LTBP1: variants seen among roughly 807,000 people sequenced by gnomAD.
LTBP1 encodes the protein latent transforming growth factor beta binding protein 1.
Under a neutral mutation model 207.6 loss-of-function variants are expected in LTBP1, and 129 were observed. That is an observed-to-expected ratio of 0.62 (90% CI 0.54 to 0.72). The LOEUF (loss-of-function observed/expected upper bound fraction) is 0.72. Among genes scored for constraint, LTBP1 ranks in the 30% least tolerant of loss-of-function variants. LTBP1 has a pLI of 0.00. For missense variants in LTBP1, 2,281 were observed against 2,217.2 expected (o/e 1.03, Z -0.58); for synonymous variants, 963 against 833.7 (o/e 1.16, Z -2.67).
rs548354705 is a variant in LTBP1, at chr2:32,969,213, A to G, written c.565+20268A>G. Reference sequence around the variant, plus strand: ...AGTGCTGAGATTACAGGTGTGAGCCATGGCACCTGGCCAATTTGTGTGTGT... The same window carrying G: ...AGTGCTGAGATTACAGGTGTGAGCCGTGGCACCTGGCCAATTTGTGTGTGT... On this transcript the variant is annotated intron_variant, in intron 2 of 33. Transcript: ENST00000404816. Among the ~76,000 whole-genome samples, 6 of 144,480 alleles carry G rather than the reference A, an allele frequency of 4.2e-5. No homozygotes were observed. The South Asian group carries it at 1.4e-3, about 33-fold the overall frequency. The allele number at this position is 144,480 out of a possible 152,430, so 94.8% of individuals were successfully genotyped here.
At chr2:33,389,681 C>T (rs1262695028) in intron 32 of LTBP1, among the ~76,000 whole-genome samples, 1 of 152,136 alleles carries the variant, frequency 6.6e-6, no homozygotes, top group African/African-American at 2.4e-5. Flanking sequence ...GCTGTGTCAC[C>T]CAGGCTGGAG....
At chr2:33,385,742 G>A (rs1467297523) in intron 31 of LTBP1, among the ~76,000 whole-genome samples, 3 of 152,064 alleles carry the variant, frequency 2.0e-5, no homozygotes, top group Non-Finnish European at 4.4e-5. Context: ...TGATGGGAAG[G>A]GCGGCGTGGA....
chr2:32,970,140 G>A (rs1210056160), intron 2 of LTBP1, among the ~76,000 whole-genome samples: 2 of 152,092 alleles, frequency 1.3e-5, no homozygotes, highest in Admixed American at 6.5e-5. Flanking sequence ...GTTAATTTAA[G>A]TTCCTTGTAA....
chr2:33,194,159 G>A (rs766464672), intron 7 of LTBP1, among the ~76,000 whole-genome samples: 16 of 152,018 alleles, frequency 1.1e-4, no homozygotes, highest in Admixed American at 2.6e-4. Context: ...GGTAATTTTT[G>A]TATTTTTATT....
At chr2:33,197,998 C>G (rs1361535646) in intron 7 of LTBP1, among the ~76,000 whole-genome samples, 2 of 152,064 alleles carry the variant, frequency 1.3e-5, no homozygotes, top group Non-Finnish European at 2.9e-5. Flanking sequence ...CTGGAAAACC[C>G]TGATTTATAC....
chr2:33,217,871 T>C (rs111916105), intron 8 of LTBP1, among the ~76,000 whole-genome samples: 2,778 of 152,312 alleles, frequency 0.018, 84 homozygotes, highest in African/African-American at 0.062. Context: ...TTATCCTCTT[T>C]AGTTGGATTA....
At chr2:33,103,303 A>T (rs527818626) in intron 3 of LTBP1, among the ~76,000 whole-genome samples, 1 of 149,396 alleles carries the variant, frequency 6.7e-6, no homozygotes, top group South Asian at 2.1e-4. Flanking sequence ...CACAGTCTCT[A>T]TGTTGTATAC....
intron 2 of LTBP1, among the ~76,000 whole-genome samples, chr2:32,950,807 T>G (rs1676989899): frequency 6.6e-6 from 1 of 152,172 alleles, no homozygotes; most frequent in South Asian, 2.1e-4. Flanking sequence ...TTTAATAAGT[T>G]TGCTTGGCAA....
intron 24 of LTBP1, among the ~76,000 whole-genome samples, chr2:33,323,720 A>G (rs2094388850): frequency 6.6e-6 from 1 of 152,226 alleles, no homozygotes; most frequent in African/African-American, 2.4e-5. Flanking sequence ...CATTTGGCAA[A>G]TGAATCAAGG....
rs187879879 is a variant in LTBP1 at position 33,226,099 on chromosome 2, A to G, written c.1876+3948A>G. Among the ~76,000 whole-genome samples the G allele has an allele frequency of 1.0e-3, 155 of 152,356 alleles. 1 individual carries two copies. The highest frequency in any genetic ancestry group is 3.5e-3 in the African/African-American group (147 of 41,580). On this transcript the variant is annotated intron_variant, in intron 9 of 33. Transcript: ENST00000404816. ...ATTGACCCATGGATTATTTAGAAAT[A>G]TATTGCTTAATATGCAAATACTTGT... is the stretch of plus-strand genomic sequence containing the variant.
chr2:33,398,581 C>T lies in LTBP1; in HGVS notation c.*36C>T, dbSNP rs2095380916. On this transcript the variant is annotated 3_prime_UTR_variant, in exon 34 of 34. Transcript: ENST00000404816. ...ACATAACCTAAGCCCATATACTCTG[C>T]ACTGTGTAAAGGAAAAGGGAGAAAT... The T allele has an allele frequency of 1.3e-6, 2 of 1,573,236 alleles. No individual in the cohort carries two copies. The highest frequency in any genetic ancestry group is 1.4e-5 in the African/African-American group (1 of 73,554).
At chr2:33,247,818 T>C (rs970364389) in intron 10 of LTBP1, among the ~76,000 whole-genome samples, 2 of 152,256 alleles carry the variant, frequency 1.3e-5, no homozygotes, top group Non-Finnish European at 2.9e-5. Flanking sequence ...GCCTAACATA[T>C]TGAGTGGCGT....
At chr2:33,393,234 CTTTTTTTTTTTT>C (rs569734292) in intron 32 of LTBP1, among the ~76,000 whole-genome samples, 2 of 48,744 alleles carry the variant, frequency 4.1e-5, no homozygotes, top group South Asian at 1.2e-3. Context: ...CCTTCTTCTT[CTTTTTTTTTTTT>C]TTTTTTTTTT....
chr2:33,231,955 G>GT (rs2091814495), intron 9 of LTBP1, among the ~76,000 whole-genome samples: 1 of 152,146 alleles, frequency 6.6e-6, no homozygotes, highest in Admixed American at 6.5e-5. Context: ...GTTGTAACAG[G>GT]TATAAGAACT....
rs753228003 is a variant in LTBP1 at position 33,263,390 on chromosome 2, C to A, written c.2615C>A (p.Thr872Lys). 6.8e-6 allele frequency: 11 copies of A among 1,610,664 alleles called. No individual in the cohort carries two copies. In the South Asian group the frequency reaches 1.1e-4, roughly 16 times the overall value. The stretch of plus-strand genomic sequence containing the variant: ...CAAGTGATTGCTCCTACTCAAGTGA[C>A]AGGTTGGTGCAGTATTTTTACATTA... ...ASQVIAPTQV[T>K]EINECTVNPD... is the part of the protein sequence containing the mutation. Residue 872 changes from threonine (T) to lysine (K), a missense_variant and splice_region_variant, in exon 15 of 34, where the codon ACA (threonine) becomes AAA (lysine). Thr to Lys is a moderately conservative substitution (Grantham distance 78). Coordinates refer to ENST00000404816, the MANE Select transcript of LTBP1 (RefSeq NM_206943.4).
At chr2:33,363,298 T>C in intron 28 of LTBP1, 92 bp from the exon 29 acceptor site, 1 of 1,257,440 alleles carries the variant, frequency 8.0e-7, no homozygotes. Flanking sequence ...TATTATAATA[T>C]CTAACTTAAA....
In LTBP1 at chr2:33,174,353, A is replaced by C. The variant is rs556740864; in HGVS notation, c.1202-12503A>C. On this transcript the variant is annotated intron_variant, in intron 5 of 33. Coordinates refer to ENST00000404816, the MANE Select transcript of LTBP1 (RefSeq NM_206943.4). ...GTACAAAAATCACAAGCATTCTTAT[A>C]CACCAATAACAGACAAACAGAGAGC... Among the ~76,000 whole-genome samples the C allele has an allele frequency of 3.4e-3, 512 of 152,212 alleles. 3 individuals carry two copies. The highest frequency in any genetic ancestry group is 0.012 in the African/African-American group (493 of 41,508).
At chr2:33,106,057 A>C (rs1489362534) in intron 3 of LTBP1, among the ~76,000 whole-genome samples, 1 of 152,226 alleles carries the variant, frequency 6.6e-6, no homozygotes, top group Non-Finnish European at 1.5e-5. Flanking sequence ...GTAGGAGCAG[A>C]TTCCATCTCA....
At chr2:33,120,839 A>AT (rs889272559) in intron 4 of LTBP1, among the ~76,000 whole-genome samples, 2 of 152,078 alleles carry the variant, frequency 1.3e-5, no homozygotes, top group African/African-American at 4.8e-5. Context: ...TTTTAAAGTA[A>AT]TTTTTTTCGC....
Sources: gnomAD v4.1 joint callset for allele counts (sites outside exome capture counted in the v4.1 genomes callset) on GRCh38, gnomAD v4.1.1 for gene constraint, MANE v1.5 for transcripts, NCBI Gene and HGNC (gene_info 2026-07-23, HGNC 2026-07-21) for gene names.